CHD1L: variants seen among roughly 807,000 people sequenced by gnomAD.
CHD1L encodes the protein ATP-dependent chromatin remodeler CHD1L.
A neutral mutation model predicts 115.9 loss-of-function variants in CHD1L; 118 were observed. That is an observed-to-expected ratio of 1.02 (90% CI 0.88 to 1.19). The LOEUF (loss-of-function observed/expected upper bound fraction) is 1.19. Ranked by LOEUF, CHD1L falls within the 50% of genes most tolerant of loss-of-function variation. The pLI is 0.00. For synonymous variants in CHD1L, 411 were observed against 387.1 expected (o/e 1.06, Z -0.72); for missense variants, 1,179 against 1,065.3 (o/e 1.11, Z -1.49).
Position 147,295,584 on chromosome 1 carries a change from C to A in CHD1L, c.*75C>A. ...CCAGAGGTACTGCAATAGAGTATTT[C>A]AAAATGGAATCAGGATCTGGTGGGC... On this transcript the variant is annotated 3_prime_UTR_variant, in exon 23 of 23. Coordinates refer to ENST00000369258, the MANE Select transcript of CHD1L (RefSeq NM_004284.6). 2 of 1,075,564 alleles carry A rather than the reference C, an allele frequency of 1.9e-6. No individual in the cohort carries two copies. Among genetic ancestry groups the A allele is most frequent in the Non-Finnish European group, 2.7e-6 (2 of 737,846 alleles). The allele number at this position is 1,075,564 out of a possible 1,614,324, so 66.6% of individuals were successfully genotyped here.
chr1:147,267,399 G>GTC (rs150510727), intron 8 of CHD1L, 27 bp from the exon 9 acceptor site: 1 of 1,568,910 alleles, frequency 6.4e-7, no homozygotes, highest in Non-Finnish European at 8.8e-7. Flanking sequence ...ATCTCTTTCT[G>GTC]TCTCTCTCTT....
intron 20 of CHD1L, among the ~76,000 whole-genome samples, chr1:147,293,310 CT>C (rs35381917): frequency 0.049 from 7,393 of 149,936 alleles, 418 homozygotes; most frequent in East Asian, 0.17. Context: ...GAAAAATTCT[CT>C]TTTTTTTTTT....
chr1:147,241,398 T>G (rs10793654), upstream of CHD1L, among the ~76,000 whole-genome samples: 1 of 151,876 alleles, frequency 6.6e-6, no homozygotes, highest in Non-Finnish European at 1.5e-5. Flanking sequence ...CCTTGTGACC[T>G]CTCACTCCTG....
the CHD1L span, among the ~76,000 whole-genome samples, chr1:147,181,559 T>C: frequency 6.6e-6 from 1 of 152,164 alleles, no homozygotes; most frequent in Non-Finnish European, 1.5e-5. Context: ...AGTAATCAAC[T>C]AGAAAGGTGG....
chr1:147,214,148 G>A, the CHD1L span, among the ~76,000 whole-genome samples: 1 of 152,098 alleles, frequency 6.6e-6, no homozygotes, highest in African/African-American at 2.4e-5. Flanking sequence ...ATGTCTTCAT[G>A]GACTAATAGA....
Position 147,266,848 on chromosome 1 carries a change from A to G in CHD1L, c.896-578A>G, listed in dbSNP as rs190955940. On this transcript the variant is annotated intron_variant, in intron 8 of 22. Transcript: ENST00000369258. ...GTGACATTGTGAATAGAATATTGTTATAATTGTTGTATTTTATTATGAGAC... is the reference window on the plus strand; with the variant it reads ...GTGACATTGTGAATAGAATATTGTTGTAATTGTTGTATTTTATTATGAGAC... Among the ~76,000 whole-genome samples, 11 of 152,372 alleles carry G rather than the reference A, an allele frequency of 7.2e-5. No individual in the cohort carries two copies. In the East Asian group the frequency reaches 1.9e-3, roughly 27 times the overall value.
At chr1:147,203,175 A>C in the CHD1L span, 1 of 632,492 alleles carries the variant, frequency 1.6e-6, no homozygotes, top group South Asian at 2.2e-5. Context: ...ATACAAACAC[A>C]AAATACCTCT....
At chr1:147,204,147 C>T in the CHD1L span, 2 of 1,077,604 alleles carry the variant, frequency 1.9e-6, no homozygotes, top group South Asian at 2.5e-5. Flanking sequence ...ATCAATTCTT[C>T]ATCAGTCTTT....
chr1:147,231,782 G>T, the CHD1L span, among the ~76,000 whole-genome samples: 3 of 152,116 alleles, frequency 2.0e-5, no homozygotes, highest in African/African-American at 7.2e-5. Flanking sequence ...CATTGGAAAA[G>T]CGCAGTATTA....
At chr1:147,283,931 T>C (rs1681980621) in intron 15 of CHD1L, among the ~76,000 whole-genome samples, 2 of 152,244 alleles carry the variant, frequency 1.3e-5, no homozygotes, top group Admixed American at 1.3e-4. Flanking sequence ...ATTATTTTTG[T>C]GATTCTTCAT....
At chr1:147,214,417 C>T in the CHD1L span, among the ~76,000 whole-genome samples, 1 of 151,310 alleles carries the variant, frequency 6.6e-6, no homozygotes, top group East Asian at 1.9e-4. Flanking sequence ...TGTCACTGTA[C>T]TCCAGCCTGG....
At chr1:147,178,566 T>G in the CHD1L span, 2 of 1,609,420 alleles carry the variant, frequency 1.2e-6, no homozygotes, top group African/African-American at 2.7e-5. Context: ...TCATTAGTGA[T>G]AAAGATGCCT....
At chr1:147,264,200 A>G (rs1673021398) in intron 6 of CHD1L, among the ~76,000 whole-genome samples, 1 of 152,166 alleles carries the variant, frequency 6.6e-6, no homozygotes, top group South Asian at 2.1e-4. Flanking sequence ...TGTTTTCTTC[A>G]CAGGATTATT....
At chr1:147,280,678 G>A (rs587748857) in intron 15 of CHD1L, among the ~76,000 whole-genome samples, 1 of 152,280 alleles carries the variant, frequency 6.6e-6, no homozygotes, top group African/African-American at 2.4e-5. Context: ...TGAGATGTAG[G>A]AGATGGTTTT....
the CHD1L span, among the ~76,000 whole-genome samples, chr1:147,216,346 A>T: frequency 6.6e-6 from 1 of 152,202 alleles, no homozygotes; most frequent in Non-Finnish European, 1.5e-5. Context: ...GTCCCCAAAA[A>T]TTCTACCTAT....
chr1:147,265,060 C>A (rs1183249189), intron 7 of CHD1L, among the ~76,000 whole-genome samples: 4 of 152,178 alleles, frequency 2.6e-5, no homozygotes, highest in Non-Finnish European at 5.9e-5. Context: ...TTGTAGTCTT[C>A]TGTTCTTGTA....
chr1:147,205,406 C>T, the CHD1L span, among the ~76,000 whole-genome samples: 2 of 151,916 alleles, frequency 1.3e-5, no homozygotes, highest in Admixed American at 1.3e-4. Context: ...TTGATGTGAC[C>T]CACTAAGATC....
At chr1:147,199,287 G>A in the CHD1L span, among the ~76,000 whole-genome samples, 4 of 152,110 alleles carry the variant, frequency 2.6e-5, no homozygotes, top group African/African-American at 9.7e-5. Context: ...ATAGTGAAGG[G>A]ATAATTCAGG....
At position 147,264,433 on chromosome 1, in the gene CHD1L, C is replaced by T. The variant is rs4950315; in HGVS notation, c.588C>T (p.Val196=). The T allele has an allele frequency of 0.22, 358,268 of 1,604,786 alleles. 42,717 individuals carry two copies. Among genetic ancestry groups the T allele is most frequent in the South Asian group, 0.25 (22,469 of 89,770 alleles). ...LHKTLSEFSV[V]FSLLLTGTPI... ...TTTATGTATTTGAGTTCTCAGTAGT[C>T]TTCAGTCTCCTGTTGACCGGAACTC... The change falls in exon 7 of 23, where the codon GTC becomes GTT. Residue 196 remains valine (V), a synonymous_variant. Coordinates refer to ENST00000369258, the MANE Select transcript of CHD1L (RefSeq NM_004284.6).
Sources: gnomAD v4.1 joint callset for allele counts (sites outside exome capture counted in the v4.1 genomes callset) on GRCh38, gnomAD v4.1.1 for gene constraint, MANE v1.5 for transcripts, NCBI Gene and HGNC (gene_info 2026-07-23, HGNC 2026-07-21) for gene names.